Variants in CTNNA3 observed in about 807,000 individuals in gnomAD.
CTNNA3 encodes catenin alpha-3.
CTNNA3 carries 76 observed loss-of-function variants against 95.7 expected under a neutral mutation model. The observed-to-expected ratio is 0.79, with a 90% CI of 0.66 to 0.96. The LOEUF is 0.96. Among genes scored for constraint, CTNNA3 ranks in the 40% least tolerant of loss-of-function variants. The probability of loss-of-function intolerance (pLI) is 0.00; values close to 1 mark genes in which losing one functional copy is unlikely to be tolerated. For synonymous variants in CTNNA3, 431 were observed against 374.4 expected, an observed-to-expected ratio of 1.15 and a Z score of -1.74; for missense variants, 1,191 against 1,089.8, an observed-to-expected ratio of 1.09 and a Z score of -1.31.
chr10:66,653,776 T>C (rs1845987722), intron 9 of CTNNA3, among the ~76,000 whole-genome samples: 1 of 151,978 alleles, frequency 6.6e-6, no homozygotes, highest in Non-Finnish European at 1.5e-5. Flanking sequence ...TGGAATGGAA[T>C]AGACAGTCCA....
chr10:66,526,695 T>C (rs1649902878), intron 10 of CTNNA3, among the ~76,000 whole-genome samples: 2 of 152,194 alleles, frequency 1.3e-5, no homozygotes, highest in South Asian at 4.1e-4. Flanking sequence ...ATTTCCCTAA[T>C]GATTAATGAT....
intron 7 of CTNNA3, among the ~76,000 whole-genome samples, chr10:67,173,568 C>A (rs901530678): frequency 3.9e-5 from 6 of 152,156 alleles, no homozygotes; most frequent in African/African-American, 1.4e-4. Context: ...CAAGTCTGTT[C>A]TAGTGTATAT....
chr10:67,206,688 C>T (rs113463486), intron 6 of CTNNA3, among the ~76,000 whole-genome samples: 1 of 150,970 alleles, frequency 6.6e-6, no homozygotes, highest in African/African-American at 2.5e-5. Context: ...GAGTTTCCAA[C>T]AGGACTCTAG....
At chr10:67,487,679 A>C in intron 5 of CTNNA3, among the ~76,000 whole-genome samples, 1 of 152,228 alleles carries the variant, frequency 6.6e-6, no homozygotes, top group Non-Finnish European at 1.5e-5. Flanking sequence ...GAACACGGCT[A>C]TAGGCAGTGT....
chr10:66,796,522 A>T (rs1841197851), intron 7 of CTNNA3, among the ~76,000 whole-genome samples: 1 of 152,104 alleles, frequency 6.6e-6, no homozygotes, highest in African/African-American at 2.4e-5. Context: ...AAAAATTTAA[A>T]ATATTAAAAG....
At chr10:66,915,725 C>T (rs28429463) in intron 7 of CTNNA3, among the ~76,000 whole-genome samples, 5 of 145,864 alleles carry the variant, frequency 3.4e-5, no homozygotes, top group South Asian at 2.2e-4. Context: ...TATATATATA[C>T]ACACACACAC....
intron 5 of CTNNA3, among the ~76,000 whole-genome samples, chr10:67,288,967 T>A (rs894284301): frequency 2.6e-5 from 4 of 152,030 alleles, no homozygotes; most frequent in African/African-American, 9.7e-5. Context: ...TGTCTCTAAA[T>A]AAATAAATAA....
intron 17 of CTNNA3, among the ~76,000 whole-genome samples, chr10:65,941,493 C>G (rs1379433074): frequency 6.6e-6 from 1 of 152,158 alleles, no homozygotes; most frequent in Non-Finnish European, 1.5e-5. Context: ...CCACGTGATT[C>G]CCATGCAGAA....
At chr10:67,118,573 T>C (rs75754225) in intron 7 of CTNNA3, among the ~76,000 whole-genome samples, 1,564 of 152,112 alleles carry the variant, frequency 0.01, 15 homozygotes, top group Non-Finnish European at 0.018. Context: ...ATCCTCCCCT[T>C]ATCCCAAAGT....
chr10:66,969,152 A>C (rs185397423), intron 7 of CTNNA3, among the ~76,000 whole-genome samples: 1 of 152,200 alleles, frequency 6.6e-6, no homozygotes, highest in Non-Finnish European at 1.5e-5. Flanking sequence ...AATATTTTTA[A>C]AAATCAAATA....
At chr10:67,267,617 C>T (rs759289842) in intron 5 of CTNNA3, among the ~76,000 whole-genome samples, 1 of 152,080 alleles carries the variant, frequency 6.6e-6, no homozygotes, top group Non-Finnish European at 1.5e-5. Context: ...CCACCCACCT[C>T]GGCCTCCCAA....
intron 13 of CTNNA3, among the ~76,000 whole-genome samples, chr10:66,266,880 T>A (rs1176024244): frequency 2.0e-5 from 3 of 152,028 alleles, no homozygotes; most frequent in Non-Finnish European, 4.4e-5. Context: ...GAAAGAGAAA[T>A]CCCTGAAAAT....
intron 1 of CTNNA3, among the ~76,000 whole-genome samples, chr10:67,704,275 G>T (rs549779174): frequency 3.3e-5 from 5 of 152,156 alleles, no homozygotes; most frequent in South Asian, 2.1e-4. Flanking sequence ...GTAAAAAACT[G>T]CTTTAAAGTT....
intron 7 of CTNNA3, among the ~76,000 whole-genome samples, chr10:66,958,611 G>GAAAACA (rs1370436507): frequency 6.6e-6 from 1 of 151,794 alleles, no homozygotes; most frequent in African/African-American, 2.4e-5. Context: ...AATACTTACA[G>GAAAACA]AAAACAAAAG....
chr10:66,890,212 G>A (rs1044645328), intron 7 of CTNNA3, among the ~76,000 whole-genome samples: 1 of 152,138 alleles, frequency 6.6e-6, no homozygotes, highest in Non-Finnish European at 1.5e-5. Context: ...GAATAAATCT[G>A]GAGCTCAGGG....
rs967709753 is a variant in CTNNA3, at chr10:66,320,060, G to A, written c.1733-39439C>T. 7.9e-5 allele frequency among the ~76,000 whole-genome samples: 12 copies of A among 152,210 alleles called. No individual in the cohort carries two copies. In the South Asian group the frequency reaches 1.5e-3, roughly 18 times the overall value. On this transcript the variant is annotated intron_variant, in intron 12 of 17. Transcript: ENST00000433211. The stretch of plus-strand genomic sequence containing the variant: ...ATCATCAAACCTACATTATACCTAC[G>A]TTGTGGGGCTGTTGTGAGCTTTTAC...
intron 5 of CTNNA3, among the ~76,000 whole-genome samples, chr10:67,320,911 T>A (rs1417553731): frequency 1.3e-5 from 2 of 152,230 alleles, no homozygotes; most frequent in African/African-American, 4.8e-5. Context: ...CTAAAGTAGT[T>A]ATTTTAGCTG....
At chr10:66,518,071 C>G (rs10509267) in intron 11 of CTNNA3, among the ~76,000 whole-genome samples, 13 of 151,914 alleles carry the variant, frequency 8.6e-5, no homozygotes, top group Non-Finnish European at 1.8e-4. Flanking sequence ...CCAAGTATAT[C>G]AAACATCTAG....
chr10:65,929,772 T>C (rs1007447706), intron 17 of CTNNA3, among the ~76,000 whole-genome samples: 5 of 152,186 alleles, frequency 3.3e-5, no homozygotes, highest in African/African-American at 1.2e-4. Flanking sequence ...TTTCACCATA[T>C]TGGTCAGGCT....
Sources: allele counts gnomAD v4.1 joint callset (sites outside exome capture counted in the v4.1 genomes callset), GRCh38; gene constraint gnomAD v4.1.1; transcripts MANE v1.5; gene names NCBI Gene and HGNC (gene_info 2026-07-23, HGNC 2026-07-21).